RBAK: variants seen among roughly 807,000 people sequenced by gnomAD.
The protein encoded by RBAK is RB associated KRAB zinc finger.
In RBAK, 39 loss-of-function variants were observed where a neutral mutation model predicts 65.8. The observed-to-expected ratio is 0.59, with a 90% CI of 0.46 to 0.77. RBAK has a LOEUF of 0.77. Among genes scored for constraint, RBAK ranks in the 30% least tolerant of loss-of-function variants. RBAK has a pLI of 0.00. For missense variants in RBAK, 884 were observed against 855.1 expected, an observed-to-expected ratio of 1.03 and a Z score of -0.42; for synonymous variants, 343 against 289.7, an observed-to-expected ratio of 1.18 and a Z score of -1.87.
At position 5,065,076 on chromosome 7, in the gene RBAK, A is replaced by G; in HGVS notation, c.1620A>G (p.Glu540=). The part of the protein sequence containing the change: ...QPLPKGEKSY[E]CNVCGKLFNE... ...TTCCAAAAGGGGAGAAATCCTATGAATGTAATGTATGTGGAAAGTTATTCA... is the reference window on the plus strand; with the variant it reads ...TTCCAAAAGGGGAGAAATCCTATGAGTGTAATGTATGTGGAAAGTTATTCA... Residue 540 remains glutamate (E), a synonymous_variant, in exon 5 of 5, where the codon GAA becomes GAG. Transcript: ENST00000396912. This position sits in a 1 kb window ranked among gnomAD's most constrained non-coding sequence, Gnocchi z 5.3. 6.2e-7 allele frequency: 1 copy of G among 1,614,028 alleles called. No homozygotes were observed. Among genetic ancestry groups the G allele is most frequent in the Non-Finnish European group, 8.5e-7 (1 of 1,179,958 alleles).
chr7:5,054,526 C>T (rs982757485), intron 2 of RBAK, among the ~76,000 whole-genome samples: 2 of 151,912 alleles, frequency 1.3e-5, no homozygotes, highest in African/African-American at 2.4e-5. Flanking sequence ...AGGGTATATC[C>T]AGTACCTGTT....
rs779546149 is a variant in RBAK at position 5,065,430 on chromosome 7, A to T, written c.1974A>T (p.Lys658Asn). 1 of 1,613,924 alleles carries T rather than the reference A, an allele frequency of 6.2e-7. No homozygotes were observed. Among genetic ancestry groups the T allele is most frequent in the South Asian group, 1.1e-5 (1 of 91,076 alleles). ...EKPYECNECG[K>N]VFSQKSYLTV... ...CCTATGAATGTAATGAATGTGGGAAAGTCTTTTCTCAGAAGTCATACCTCA... is the reference window on the plus strand; with the variant it reads ...CCTATGAATGTAATGAATGTGGGAATGTCTTTTCTCAGAAGTCATACCTCA... The change falls in exon 5 of 5, where the codon AAA (lysine) becomes AAT (asparagine). Residue 658 changes from lysine (K) to asparagine (N), a missense_variant. Coordinates refer to ENST00000396912, the MANE Select transcript of RBAK (RefSeq NM_021163.4). The surrounding 1 kb of genome is among the most constrained non-coding windows in gnomAD (Gnocchi z 5.3).
chr7:5,067,268 A>C lies in RBAK; in HGVS notation c.*1667A>C, dbSNP rs896983478. ...AGTAAAACTTTAAAAACGAAAAAGA[A>C]TATAAATCTCTATTTGCAGATGCCA... On this transcript the variant is annotated 3_prime_UTR_variant, in exon 5 of 5. Coordinates refer to ENST00000396912, the MANE Select transcript of RBAK (RefSeq NM_021163.4). The C allele has an allele frequency of 1.3e-5, 2 of 152,194 alleles. No individual in the cohort carries two copies. Among genetic ancestry groups the C allele is most frequent in the African/African-American group, 4.8e-5 (2 of 41,464 alleles). 9.4% of individuals were successfully genotyped at this position (152,194 alleles called of 1,614,324 possible).
chr7:5,048,201 C>G lies in RBAK; in HGVS notation c.15+110C>G, dbSNP rs1347783240. On this transcript the variant is annotated intron_variant, in intron 2 of 4. Transcript: ENST00000396912. The surrounding 1 kb of genome is among the most constrained non-coding windows in gnomAD (Gnocchi z 4.4). ...TTTTTCTTTTTTTTTGAGATGGAGT[C>G]TTGCTCTGTTGCCCAGGCTGGAGTG... 5 of 1,482,662 alleles carry G rather than the reference C, an allele frequency of 3.4e-6. No individual in the cohort carries two copies. Among genetic ancestry groups the G allele is most frequent in the Admixed American group, 2.0e-5 (1 of 51,180 alleles). The allele number at this position is 1,482,662 out of a possible 1,614,324, so 91.8% of individuals were successfully genotyped here.
chr7:5,050,709 G>A (rs1788097692), intron 2 of RBAK, among the ~76,000 whole-genome samples: 2 of 152,012 alleles, frequency 1.3e-5, no homozygotes, highest in Admixed American at 1.3e-4. Flanking sequence ...CAAGTAGCTG[G>A]GAGTATAGTC....
chr7:5,063,561 G>A (rs574149729), intron 4 of RBAK, 134 bp from the exon 5 acceptor site: 25 of 626,264 alleles, frequency 4.0e-5, no homozygotes, highest in Non-Finnish European at 5.8e-5. Context: ...CTATGCATTT[G>A]TAATTATTTT....
At chr7:5,050,969 G>A (rs1788102991) in intron 2 of RBAK, among the ~76,000 whole-genome samples, 1 of 152,198 alleles carries the variant, frequency 6.6e-6, no homozygotes, top group South Asian at 2.1e-4. Context: ...TTCTAAGCAG[G>A]AAGGTTTTTT....
At chr7:5,047,998 C>G in intron 1 of RBAK, 35 bp from the exon 2 acceptor site, 2 of 1,190,668 alleles carry the variant, frequency 1.7e-6, no homozygotes, top group Non-Finnish European at 2.4e-6. Flanking sequence ...GGCCAGAGCA[C>G]TCATGACTTC....
intron 4 of RBAK, 46 bp from the exon 5 acceptor site, chr7:5,063,649 A>C: frequency 7.0e-7 from 1 of 1,424,428 alleles, no homozygotes; most frequent in Non-Finnish European, 9.4e-7. Context: ...TTCCATAGCT[A>C]GTGTGTTCAG....
chr7:5,051,076 C>G (rs1459758415), intron 2 of RBAK, among the ~76,000 whole-genome samples: 1 of 152,100 alleles, frequency 6.6e-6, no homozygotes, highest in African/African-American at 2.4e-5. Flanking sequence ...ATGGCTCCAT[C>G]TTTGGCCAGA....
chr7:5,057,782 AAGTTAGTAGCG>A lies in RBAK; in HGVS notation c.238+4_238+14del. Reference sequence around the variant, plus strand: ...ATTTCCATGTCAACATAGTCCAGGTAAGTTAGTAGCGTATCAAAGGTTAAAAAATGCTCATC... The same window carrying A: ...ATTTCCATGTCAACATAGTCCAGGTATATCAAAGGTTAAAAAATGCTCATC... On this transcript the variant is annotated splice_donor_5th_base_variant and intron_variant, in intron 4 of 4. Coordinates refer to ENST00000396912, the MANE Select transcript of RBAK (RefSeq NM_021163.4). 1 of 1,613,856 alleles carries A rather than the reference AAGTTAGTAGCG, an allele frequency of 6.2e-7. No individual in the cohort carries two copies. The highest frequency in any genetic ancestry group is 8.5e-7 in the Non-Finnish European group (1 of 1,179,798).
At chr7:5,055,520 T>C (rs999718547) in intron 2 of RBAK, among the ~76,000 whole-genome samples, 6 of 152,194 alleles carry the variant, frequency 3.9e-5, no homozygotes, top group African/African-American at 1.4e-4. Context: ...AGATTTTTCT[T>C]CTTTGCTGTG....
At chr7:5,055,081 C>G (rs144720888) in intron 2 of RBAK, among the ~76,000 whole-genome samples, 1 of 152,232 alleles carries the variant, frequency 6.6e-6, no homozygotes, top group East Asian at 1.9e-4. Context: ...CGTGCCCGAG[C>G]ACTTTTACTT....
chr7:5,046,082 C>T lies in RBAK; in HGVS notation c.-359C>T, dbSNP rs1170874171. 3.2e-5 allele frequency: 10 copies of T among 307,888 alleles called. No individual in the cohort carries two copies. In the East Asian group the frequency reaches 1.5e-3, roughly 45 times the overall value. 19.1% of individuals were successfully genotyped at this position (307,888 alleles called of 1,614,324 possible). On this transcript the variant is annotated 5_prime_UTR_variant, in exon 1 of 5. Transcript: ENST00000396912. ...GCCCCGGAGCCGGCGGCGCTGGGGC[C>T]AGAGGGGCCGGACGGGAGGTGGCGG...
Position 5,068,541 on chromosome 7 carries a change from A to G in RBAK, c.*2940A>G, listed in dbSNP as rs1214829808. On this transcript the variant is annotated 3_prime_UTR_variant, in exon 5 of 5. Transcript: ENST00000396912. ...GTAGCACTGCTACCCATCCATGGAAATGGTTAAAATGAAAAGCATGAAAAA... is the reference window on the plus strand; with the variant it reads ...GTAGCACTGCTACCCATCCATGGAAGTGGTTAAAATGAAAAGCATGAAAAA... 1.3e-5 allele frequency: 2 copies of G among 152,252 alleles called. No individual in the cohort carries two copies. The highest frequency in any genetic ancestry group is 3.8e-4 in the East Asian group (2 of 5,206). 9.4% of individuals were successfully genotyped at this position (152,252 alleles called of 1,614,324 possible).
In RBAK at chr7:5,065,081, A is replaced by G; in HGVS notation, c.1625A>G (p.Asn542Ser). 6.2e-7 allele frequency: 1 copy of G among 1,613,972 alleles called. No homozygotes were observed. Among genetic ancestry groups the G allele is most frequent in the African/African-American group, 1.3e-5 (1 of 75,020 alleles). The part of the protein sequence containing the change: ...LPKGEKSYEC[N>S]VCGKLFNELS... The stretch of plus-strand genomic sequence containing the variant: ...AAAGGGGAGAAATCCTATGAATGTA[A>G]TGTATGTGGAAAGTTATTCAATGAG... The change falls in exon 5 of 5, where the codon AAT becomes AGT. Residue 542 changes from asparagine (N) to serine (S), a missense_variant. Asn to Ser is a conservative substitution (Grantham distance 46). Coordinates refer to ENST00000396912, the MANE Select transcript of RBAK (RefSeq NM_021163.4). The surrounding 1 kb of genome is among the most constrained non-coding windows in gnomAD (Gnocchi z 5.3).
rs1011874082 is a variant in RBAK at position 5,069,167 on chromosome 7, C to G, written c.*3566C>G. 2.6e-5 allele frequency: 4 copies of G among 152,176 alleles called. No homozygotes were observed. Among genetic ancestry groups the G allele is most frequent in the Non-Finnish European group, 5.9e-5 (4 of 68,040 alleles). The allele number at this position is 152,176 out of a possible 1,614,324, so 9.4% of individuals were successfully genotyped here. ...TTTCCATAAAAGTTTTCTAAAATCA[C>G]AAATGGCTAACATTTGTGTCGCTCA... On this transcript the variant is annotated 3_prime_UTR_variant, in exon 5 of 5. Coordinates refer to ENST00000396912, the MANE Select transcript of RBAK (RefSeq NM_021163.4).
Position 5,048,001 on chromosome 7 carries a change from A to T in RBAK, c.-44-32A>T. The T allele has an allele frequency of 8.1e-7, 1 of 1,232,584 alleles. No homozygotes were observed. The highest frequency in any genetic ancestry group is 1.1e-6 in the Non-Finnish European group (1 of 874,906). The allele number at this position is 1,232,584 out of a possible 1,614,324, so 76.4% of individuals were successfully genotyped here. A position where few individuals can be genotyped will look rare whatever the true frequency, so the allele number is the denominator to read the frequency against. ...CCTGCCTTTGCAGGCCAGAGCACTC[A>T]TGACTTCAGTGACCTGCTTCTCCCC... On this transcript the variant is annotated intron_variant, in intron 1 of 4. Transcript: ENST00000396912. This position sits in a 1 kb window ranked among gnomAD's most constrained non-coding sequence, Gnocchi z 4.4.
rs1778945557 is a variant in RBAK at position 5,057,224 on chromosome 7, T to C, written c.16-71T>C. ...CAATGTTTATGGTTAACTTTACCGG[T>C]GGGCTTTGTAAAACGTTATCCCCCT... On this transcript the variant is annotated intron_variant, in intron 2 of 4. Transcript: ENST00000396912. 9 of 1,610,830 alleles carry C rather than the reference T, an allele frequency of 5.6e-6. 2 individuals carry two copies. In the South Asian group the frequency reaches 8.8e-5, roughly 16 times the overall value.
Sources: gnomAD v4.1 joint callset for allele counts (sites outside exome capture counted in the v4.1 genomes callset) on GRCh38, gnomAD v4.1.1 for gene constraint, Gnocchi (gnomAD v3.1) non-coding constraint, MANE v1.5 for transcripts, NCBI Gene and HGNC (gene_info 2026-07-23, HGNC 2026-07-21) for gene names.